PDGFRB: variants seen among roughly 807,000 people sequenced by gnomAD.
PDGFRB encodes the protein platelet-derived growth factor receptor beta.
In PDGFRB, 42 loss-of-function variants were observed where a neutral mutation model predicts 120.2. That is an observed-to-expected ratio of 0.35 (90% CI 0.27 to 0.45). The LOEUF is 0.45. Among genes scored for constraint, PDGFRB ranks in the 20% least tolerant of loss-of-function variants. The probability of loss-of-function intolerance (pLI) is 1.00; values close to 1 mark genes in which losing one functional copy is unlikely to be tolerated. For missense variants in PDGFRB, 1,149 were observed against 1,476.3 expected (o/e 0.78, Z 3.63); for synonymous variants, 586 against 606.8 (o/e 0.97, Z 0.50).
intron 20 of PDGFRB, among the ~76,000 whole-genome samples, chr5:150,119,201 G>A (rs1760055887): frequency 6.6e-6 from 1 of 152,170 alleles, no homozygotes; most frequent in African/African-American, 2.4e-5. Context: ...CTGGCACTAT[G>A]GAGCAAGCAG....
At chr5:150,136,101 C>T (rs1475978078) in intron 2 of PDGFRB, among the ~76,000 whole-genome samples, 1 of 152,206 alleles carries the variant, frequency 6.6e-6, no homozygotes, top group Non-Finnish European at 1.5e-5. Context: ...CCCGTTAGAC[C>T]CCAGCCTCTG....
chr5:150,122,352 G>A (rs1760166119), intron 15 of PDGFRB: 2 of 313,842 alleles, frequency 6.4e-6, no homozygotes, highest in East Asian at 1.3e-4. Flanking sequence ...GCGCCACCTG[G>A]CCATGGGAGT....
intron 11 of PDGFRB, among the ~76,000 whole-genome samples, chr5:150,126,057 G>T (rs1204157906): frequency 6.6e-6 from 1 of 152,240 alleles, no homozygotes; most frequent in Non-Finnish European, 1.5e-5. Context: ...ATCATGAGGT[G>T]CTGTAATCCT....
At chr5:150,151,544 C>T (rs371275869) in intron 1 of PDGFRB, among the ~76,000 whole-genome samples, 7 of 152,314 alleles carry the variant, frequency 4.6e-5, no homozygotes, top group East Asian at 1.9e-4. Flanking sequence ...ACTGACTCTG[C>T]GCACTTTCTC....
chr5:150,137,408 A>G (rs566277463), intron 1 of PDGFRB: 8 of 210,212 alleles, frequency 3.8e-5, no homozygotes, highest in African/African-American at 1.6e-4. Context: ...ACCAGCTCTG[A>G]CAGCCTGTCC....
In PDGFRB at chr5:150,126,608, G is replaced by A; in HGVS notation, c.1586C>T (p.Pro529Leu). The change falls in exon 11 of 23, where the codon CCC (proline) becomes CTC (leucine). Residue 529 changes from proline to leucine, a missense_variant. This residue lies in a region of PDGFRB where 879 missense variants were observed against 1,108.6 expected (regional missense o/e 0.79). Transcript: ENST00000261799. ...GGCTGAGATCACCACCACCTTAAAG[G>A]GCAAGGCTGGAGGCAGAGATGAGAG... The part of the protein sequence containing the change: ...QEVIVVPHSL[P>L]FKVVVISAIL... The A allele has an allele frequency of 6.3e-7, 1 of 1,593,266 alleles. No individual in the cohort carries two copies. Among genetic ancestry groups the A allele is most frequent in the Non-Finnish European group, 8.6e-7 (1 of 1,161,262 alleles).
Position 150,118,899 on chromosome 5 carries a change from G to A in PDGFRB, c.2799-47C>T, listed in dbSNP as rs749351465. 20 of 1,180,226 alleles carry A rather than the reference G, an allele frequency of 1.7e-5. No homozygotes were observed. In the Admixed American group the frequency reaches 3.1e-4, roughly 18 times the overall value. The allele number at this position is 1,180,226 out of a possible 1,614,324, so 73.1% of individuals were successfully genotyped here. A position where few individuals can be genotyped will look rare whatever the true frequency, so the allele number is the denominator to read the frequency against. ...AGGGCCTCTGGCCCAGGGTTCAGGG[G>A]ACAAGGCAGGGCTGGGGGAGCAGGA... On this transcript the variant is annotated intron_variant, in intron 20 of 22. Coordinates refer to ENST00000261799, the MANE Select transcript of PDGFRB (RefSeq NM_002609.4).
intron 11 of PDGFRB, 22 bp from the exon 12 acceptor site, chr5:150,125,599 T>G (rs1183573500): frequency 6.2e-7 from 1 of 1,612,874 alleles, no homozygotes; most frequent in African/African-American, 1.3e-5. Context: ...ACCCCAGGAA[T>G]TAGTTATCAG....
chr5:150,151,944 A>ATTTT (rs539474323), intron 1 of PDGFRB, among the ~76,000 whole-genome samples: 23 of 145,938 alleles, frequency 1.6e-4, no homozygotes, highest in African/African-American at 6.0e-4. Context: ...TTATTTATTT[A>ATTTT]TTTTTTTTGA....
intron 15 of PDGFRB, among the ~76,000 whole-genome samples, chr5:150,122,699 G>A (rs1005560433): frequency 6.6e-6 from 1 of 152,192 alleles, no homozygotes; most frequent in Admixed American, 6.5e-5. Context: ...CTGCAGAGAG[G>A]AACACAGCCT....
intron 15 of PDGFRB, among the ~76,000 whole-genome samples, 147 bp downstream of exon 15, chr5:150,122,883 ATCTGGGGTGGAC>A (rs1760182406): frequency 1.3e-5 from 2 of 152,210 alleles, no homozygotes; most frequent in Non-Finnish European, 2.9e-5. Flanking sequence ...TTATTCCCTC[ATCTGGGGTGGAC>A]CATCTTGTGG....
intron 1 of PDGFRB, among the ~76,000 whole-genome samples, chr5:150,139,708 A>G (rs749252046): frequency 2.0e-5 from 3 of 152,074 alleles, no homozygotes; most frequent in Admixed American, 2.0e-4. Context: ...AAGGCTGGGC[A>G]TGGTGGCTCA....
intron 13 of PDGFRB, 79 bp downstream of exon 13, chr5:150,124,647 AC>A: frequency 4.3e-6 from 3 of 702,768 alleles, no homozygotes; most frequent in Non-Finnish European, 7.4e-6. Flanking sequence ...GCATCAGGCC[AC>A]CCTGGGAGAG....
intron 1 of PDGFRB, among the ~76,000 whole-genome samples, chr5:150,150,172 C>G (rs1761034629): frequency 3.3e-5 from 5 of 152,182 alleles, no homozygotes; most frequent in Admixed American, 3.3e-4. Context: ...AGAGGTGGAG[C>G]TGGGTCTCTC....
At chr5:150,153,324 G>A (rs925911885) in intron 1 of PDGFRB, 1 of 152,422 alleles carries the variant, frequency 6.6e-6, no homozygotes, top group South Asian at 2.1e-4. Context: ...GCAGACCTTG[G>A]AGCAGTCAGA....
intron 2 of PDGFRB, 120 bp from the exon 3 acceptor site, chr5:150,135,998 T>C: frequency 1.6e-6 from 1 of 621,198 alleles, no homozygotes; most frequent in East Asian, 3.0e-5. Context: ...ACAGCTCCTT[T>C]ATCCGACAGA....
chr5:150,124,670 G>A (rs1760242746), intron 13 of PDGFRB, 57 bp downstream of exon 13: 1 of 824,386 alleles, frequency 1.2e-6, no homozygotes, highest in South Asian at 1.6e-5. Flanking sequence ...CTAAGTGTGT[G>A]GGGAGGGGCA....
chr5:150,113,901 GA>G lies in PDGFRB; in HGVS notation c.*1861del, dbSNP rs1759836616. ...TCCCTTAAAAAAAAGTACACAGATA[GA>G]AAAACTCAACAGCATACAAAATAGC... On this transcript the variant is annotated 3_prime_UTR_variant, in exon 23 of 23. Transcript: ENST00000261799. 2 of 232,768 alleles carry G rather than the reference GA, an allele frequency of 8.6e-6. No individual in the cohort carries two copies. The highest frequency in any genetic ancestry group is 4.4e-5 in the African/African-American group (2 of 45,296). The allele number at this position is 232,768 out of a possible 1,614,324, so 14.4% of individuals were successfully genotyped here. A position where few individuals can be genotyped will look rare whatever the true frequency, so the allele number is the denominator to read the frequency against.
Position 150,134,854 on chromosome 5 carries a change from T to C in PDGFRB, c.527A>G (p.Gln176Arg). The change falls in exon 4 of 23, where the codon CAA (glutamine) becomes CGA (arginine). Residue 176 changes from glutamine to arginine, a missense_variant. Physicochemically the swap from Gln to Arg is conservative, Grantham distance 43 (BLOSUM62 1). Transcript: ENST00000261799. ...CTCAAAGATACCAGAAAAGCCACGT[T>C]GGTGATCATAGGGGACAGGCAGTGC... Reference protein sequence around the residue: ...DVALPVPYDHQRGFSGIFEDR... With the variant: ...DVALPVPYDHRRGFSGIFEDR... The C allele has an allele frequency of 6.2e-6, 10 of 1,614,232 alleles. No homozygotes were observed. Among genetic ancestry groups the C allele is most frequent in the Non-Finnish European group, 8.5e-6 (10 of 1,180,046 alleles).
Sources: gnomAD v4.1 joint callset for allele counts (sites outside exome capture counted in the v4.1 genomes callset) on GRCh38, gnomAD v4.1.1 for gene constraint, gnomAD v4.1.1 regional missense constraint, MANE v1.5 for transcripts, NCBI Gene and HGNC (gene_info 2026-07-23, HGNC 2026-07-21) for gene names.